SLC38A12: variants seen among roughly 807,000 people sequenced by gnomAD.
The protein encoded by SLC38A12 is solute carrier family 38 member 12.
the SLC38A12 span, among the ~76,000 whole-genome samples, chr17:74,805,131 G>A: frequency 2.0e-5 from 3 of 152,258 alleles, no homozygotes; most frequent in Non-Finnish European, 4.4e-5. This position sits in a 1 kb window ranked among gnomAD's most constrained non-coding sequence, Gnocchi z 5.0. Flanking sequence ...TGCTGGCGCA[G>A]ATCTGTCGAG....
chr17:74,835,586 G>C, the SLC38A12 span, among the ~76,000 whole-genome samples: 3 of 152,190 alleles, frequency 2.0e-5, no homozygotes, highest in Admixed American at 6.5e-5. Flanking sequence ...TGATGAGGGA[G>C]CCAGGCAGTG....
the SLC38A12 span, chr17:74,838,452 A>G: frequency 6.5e-5 from 67 of 1,022,906 alleles, no homozygotes; most frequent in Non-Finnish European, 7.6e-5. Flanking sequence ...AGCTAATTAA[A>G]TCATCCTGCC....
the SLC38A12 span, among the ~76,000 whole-genome samples, chr17:74,835,345 C>A: frequency 6.6e-6 from 1 of 152,178 alleles, no homozygotes; most frequent in Admixed American, 6.5e-5. Context: ...TAGGCACTCA[C>A]CTGTCTGCCC....
chr17:74,832,976 AGAAG>A, the SLC38A12 span, among the ~76,000 whole-genome samples: 1 of 152,334 alleles, frequency 6.6e-6, no homozygotes, highest in South Asian at 2.1e-4. Context: ...AATTATGGCT[AGAAG>A]ATCATGAAAT....
At chr17:74,821,545 A>G in the SLC38A12 span, among the ~76,000 whole-genome samples, 1 of 152,270 alleles carries the variant, frequency 6.6e-6, no homozygotes, top group South Asian at 2.1e-4. Context: ...GCCAGGAGGG[A>G]TTGTGTCCAG....
At chr17:74,826,467 A>C in the SLC38A12 span, among the ~76,000 whole-genome samples, 1 of 152,276 alleles carries the variant, frequency 6.6e-6, no homozygotes, top group Non-Finnish European at 1.5e-5. Context: ...CAGAAAGCAC[A>C]GAAGCTGGCC....
At chr17:74,817,542 C>T in the SLC38A12 span, among the ~76,000 whole-genome samples, 2 of 152,198 alleles carry the variant, frequency 1.3e-5, no homozygotes, top group Non-Finnish European at 1.5e-5. Flanking sequence ...GCACCTCACA[C>T]ATACCACTTA....
At chr17:74,794,938 A>AAAG in the SLC38A12 span, 198 of 1,141,916 alleles carry the variant, frequency 1.7e-4, no homozygotes, top group Non-Finnish European at 2.0e-4. Flanking sequence ...ATTTAGTCAA[A>AAAG]AAGAAGAAGA....
the SLC38A12 span, chr17:74,838,495 ATTCATTAGC>A: frequency 9.8e-7 from 1 of 1,016,202 alleles, no homozygotes; most frequent in Non-Finnish European, 1.2e-6. Flanking sequence ...TTGGACGCAA[ATTCATTAGC>A]TTCATAAAGC....
At chr17:74,799,465 G>A in the SLC38A12 span, among the ~76,000 whole-genome samples, 21 of 152,208 alleles carry the variant, frequency 1.4e-4, no homozygotes, top group African/African-American at 4.1e-4. Context: ...ATCCACCTCC[G>A]GGGCACAGGT....
At chr17:74,790,182 C>T in the SLC38A12 span, 1 of 1,601,864 alleles carries the variant, frequency 6.2e-7, no homozygotes, top group East Asian at 2.2e-5. Flanking sequence ...CCTCCTCGTC[C>T]ATCCTACTGG....
chr17:74,811,929 G>A, the SLC38A12 span, among the ~76,000 whole-genome samples: 18 of 151,782 alleles, frequency 1.2e-4, no homozygotes, highest in East Asian at 1.2e-3. Flanking sequence ...ATTTGTAGTC[G>A]TAGCTACTCA....
the SLC38A12 span, among the ~76,000 whole-genome samples, chr17:74,792,311 C>T: frequency 2.6e-5 from 4 of 151,972 alleles, no homozygotes; most frequent in Non-Finnish European, 5.9e-5. Context: ...ATTAGCTGGG[C>T]GTGGTGGTGC....
At chr17:74,819,260 G>T in the SLC38A12 span, among the ~76,000 whole-genome samples, 1 of 152,222 alleles carries the variant, frequency 6.6e-6, no homozygotes, top group African/African-American at 2.4e-5. Flanking sequence ...GTCAGAAGAG[G>T]TGTCCTCTCC....
chr17:74,797,731 G>A, the SLC38A12 span, among the ~76,000 whole-genome samples: 1 of 152,186 alleles, frequency 6.6e-6, no homozygotes, highest in African/African-American at 2.4e-5. Flanking sequence ...CCCTTGGTGA[G>A]TTGGAAGGGG....
the SLC38A12 span, among the ~76,000 whole-genome samples, chr17:74,787,595 G>T: frequency 6.8e-6 from 1 of 147,486 alleles, no homozygotes; most frequent in Non-Finnish European, 1.5e-5. Flanking sequence ...GCAGTCCGCA[G>T]TCCGGCCTGG....
the SLC38A12 span, among the ~76,000 whole-genome samples, chr17:74,824,186 C>A: frequency 6.6e-6 from 1 of 152,196 alleles, no homozygotes; most frequent in Admixed American, 6.5e-5. Flanking sequence ...TTGCCACATC[C>A]CAGCTGTGGT....
the SLC38A12 span, among the ~76,000 whole-genome samples, chr17:74,787,449 C>T: frequency 1.3e-5 from 2 of 151,106 alleles, no homozygotes; most frequent in Admixed American, 1.3e-4. Context: ...GGTGAAACCC[C>T]GTCTCTACTA....
chr17:74,805,401 C>T, the SLC38A12 span, among the ~76,000 whole-genome samples: 2 of 152,198 alleles, frequency 1.3e-5, no homozygotes, highest in Non-Finnish European at 2.9e-5. This position sits in a 1 kb window ranked among gnomAD's most constrained non-coding sequence, Gnocchi z 5.0. Flanking sequence ...TCCCATGTCC[C>T]TAGCGGGTGG....
Sources: allele counts gnomAD v4.1 joint callset (sites outside exome capture counted in the v4.1 genomes callset), GRCh38; gene constraint gnomAD v4.1.1; non-coding constraint Gnocchi (gnomAD v3.1); transcripts MANE v1.5; gene names NCBI Gene and HGNC (gene_info 2026-07-23, HGNC 2026-07-21).